Variants in DCDC1 observed in about 807,000 individuals in gnomAD.
DCDC1 encodes doublecortin domain-containing protein 1.
A neutral mutation model predicts 178.3 loss-of-function variants in DCDC1; 200 were observed. The ratio of observed to expected loss-of-function variants is 1.12; its 90% CI spans 1.00 to 1.26. DCDC1 has a LOEUF of 1.26. Ranked by LOEUF, DCDC1 falls within the 50% of genes most tolerant of loss-of-function variation. DCDC1 has a pLI of 0.00. For missense variants in DCDC1, 1,983 were observed against 1,749.2 expected (o/e 1.13, Z -2.38); for synonymous variants, 690 against 604.8 (o/e 1.14, Z -2.07).
intron 17 of DCDC1, among the ~76,000 whole-genome samples, chr11:31,082,263 G>A (rs1957224436): frequency 6.6e-6 from 1 of 152,050 alleles, no homozygotes; most frequent in African/African-American, 2.4e-5. Context: ...ACCTTTAGTA[G>A]ATCACTTAGT....
chr11:31,244,627 A>C (rs1424079171), intron 8 of DCDC1, among the ~76,000 whole-genome samples: 1 of 151,760 alleles, frequency 6.6e-6, no homozygotes, highest in African/African-American at 2.4e-5. Context: ...GATTGTGGTA[A>C]GAACTTCTCT....
chr11:31,341,428 T>TAGACAGAC (rs1277201179), intron 1 of DCDC1, among the ~76,000 whole-genome samples: 3 of 150,246 alleles, frequency 2.0e-5, no homozygotes, highest in Admixed American at 1.3e-4. Context: ...GATAGATAGA[T>TAGACAGAC]AGATAGATAG....
chr11:31,220,507 C>G (rs944248726), intron 9 of DCDC1, among the ~76,000 whole-genome samples: 3 of 152,284 alleles, frequency 2.0e-5, no homozygotes, highest in African/African-American at 7.2e-5. Flanking sequence ...AATAACCTCA[C>G]AAGATTGAAG....
At chr11:31,308,922 A>AC (rs965702402) in intron 3 of DCDC1, among the ~76,000 whole-genome samples, 24 of 151,436 alleles carry the variant, frequency 1.6e-4, no homozygotes, top group Non-Finnish European at 3.2e-4. Context: ...GCATAATATA[A>AC]CCCCCCCAAA....
At chr11:30,987,001 G>A (rs1361744949) in intron 20 of DCDC1, among the ~76,000 whole-genome samples, 2 of 152,004 alleles carry the variant, frequency 1.3e-5, no homozygotes, top group Non-Finnish European at 2.9e-5. Flanking sequence ...ATTAGTTTTT[G>A]TTTGTTTGCT....
At chr11:31,213,209 G>C (rs139762128) in intron 9 of DCDC1, among the ~76,000 whole-genome samples, 2 of 141,700 alleles carry the variant, frequency 1.4e-5, no homozygotes, top group African/African-American at 2.7e-5. Flanking sequence ...AGAAAGGCAT[G>C]TGGCTCTTCA....
intron 9 of DCDC1, among the ~76,000 whole-genome samples, chr11:31,183,597 C>A (rs534489924): frequency 2.0e-5 from 3 of 152,264 alleles, no homozygotes; most frequent in Non-Finnish European, 4.4e-5. Flanking sequence ...TCTTAGGATA[C>A]AAAATCAATG....
intron 2 of DCDC1, among the ~76,000 whole-genome samples, chr11:31,329,634 G>C (rs1270192374): frequency 6.6e-6 from 1 of 152,134 alleles, no homozygotes; most frequent in Non-Finnish European, 1.5e-5. Context: ...CCACCTATGA[G>C]TGAGAAAATG....
At chr11:31,169,737 G>C (rs1469203481) in intron 9 of DCDC1, among the ~76,000 whole-genome samples, 1 of 152,164 alleles carries the variant, frequency 6.6e-6, no homozygotes, top group Admixed American at 6.6e-5. Flanking sequence ...GGGAGATAAA[G>C]CATGCATATA....
chr11:31,229,838 A>G (rs1179287428), intron 9 of DCDC1, among the ~76,000 whole-genome samples: 3 of 152,180 alleles, frequency 2.0e-5, no homozygotes, highest in Non-Finnish European at 4.4e-5. Context: ...TATGATAAAA[A>G]CACTCCAACA....
chr11:31,106,534 A>G (rs1958861099), intron 13 of DCDC1, among the ~76,000 whole-genome samples: 1 of 152,232 alleles, frequency 6.6e-6, no homozygotes, highest in Admixed American at 6.5e-5. Flanking sequence ...AGACATGAAC[A>G]AATCCCTCTT....
chr11:31,100,339 C>G (rs1364492090), intron 15 of DCDC1, among the ~76,000 whole-genome samples: 1 of 152,154 alleles, frequency 6.6e-6, no homozygotes, highest in Admixed American at 6.5e-5. Context: ...TGCATTAGTG[C>G]TTAGGAACAC....
intron 21 of DCDC1, chr11:30,943,576 C>T (rs1947808145): frequency 2.4e-6 from 1 of 415,018 alleles, no homozygotes; most frequent in African/African-American, 2.1e-5. Flanking sequence ...ATCCATTGCT[C>T]CTTACCTTTA....
intron 20 of DCDC1, among the ~76,000 whole-genome samples, chr11:30,957,748 A>G (rs143557391): frequency 6.6e-5 from 10 of 152,220 alleles, no homozygotes; most frequent in African/African-American, 2.4e-4. Flanking sequence ...TGAGCCACCC[A>G]TCATGAGCTG....
intron 9 of DCDC1, among the ~76,000 whole-genome samples, chr11:31,222,889 T>C (rs1012475730): frequency 3.3e-5 from 5 of 152,174 alleles, no homozygotes; most frequent in Non-Finnish European, 5.9e-5. Flanking sequence ...CTTCAATATA[T>C]AAATTTCGGG....
At chr11:31,132,572 C>T (rs909862753) in intron 10 of DCDC1, among the ~76,000 whole-genome samples, 3 of 151,664 alleles carry the variant, frequency 2.0e-5, no homozygotes, top group African/African-American at 4.8e-5. Context: ...GAAGACAAAA[C>T]TTGACCTTTT....
rs1431537622 is a variant in DCDC1 at position 31,064,531 on chromosome 11, C to T, written c.2529G>A (p.Gly843=). ...LMPEGSLEET[G]ELTVALVRKL... ...TCCTCACCAGTGCTACTGTCAGCTCCCCCGTCTCCTCAAGAGAACCTTCTG... is the reference window on the plus strand; with the variant it reads ...TCCTCACCAGTGCTACTGTCAGCTCTCCCGTCTCCTCAAGAGAACCTTCTG... Residue 843 remains glycine (G), a synonymous_variant, in exon 20 of 39, where the codon GGG becomes GGA. Coordinates refer to ENST00000684477, the MANE Select transcript of DCDC1 (RefSeq NM_001387274.1). 1 of 765,958 alleles carries T rather than the reference C, an allele frequency of 1.3e-6. No homozygotes were observed. The highest frequency in any genetic ancestry group is 1.3e-5 in the South Asian group (1 of 74,608). 47.4% of individuals were successfully genotyped at this position (765,958 alleles called of 1,614,324 possible). A position where few individuals can be genotyped will look rare whatever the true frequency, so the allele number is the denominator to read the frequency against.
At chr11:30,953,459 A>C (rs1948558269) in intron 20 of DCDC1, among the ~76,000 whole-genome samples, 1 of 151,832 alleles carries the variant, frequency 6.6e-6, no homozygotes, top group Admixed American at 6.6e-5. Context: ...ATTATATCCA[A>C]AGATAAATTT....
At chr11:31,202,231 A>G (rs970770843) in intron 9 of DCDC1, among the ~76,000 whole-genome samples, 2 of 152,142 alleles carry the variant, frequency 1.3e-5, no homozygotes, top group Non-Finnish European at 2.9e-5. Flanking sequence ...AATACTAGCC[A>G]TTCTCTTTTA....
Sources: gnomAD v4.1 joint callset for allele counts (sites outside exome capture counted in the v4.1 genomes callset) on GRCh38, gnomAD v4.1.1 for gene constraint, MANE v1.5 for transcripts, NCBI Gene and HGNC (gene_info 2026-07-23, HGNC 2026-07-21) for gene names.